The following RIT2 variants were observed in gnomAD, a reference collection of about 807,000 sequenced individuals.
RIT2 encodes GTP-binding protein Rit2.
A neutral mutation model predicts 23.7 loss-of-function variants in RIT2; 24 were observed. The observed-to-expected ratio is 1.01, with a 90% confidence interval of 0.73 to 1.43. The LOEUF (loss-of-function observed/expected upper bound fraction) is 1.43, where lower values mean the gene tolerates loss of function less well. Ranked by LOEUF, RIT2 falls within the 40% of genes most tolerant of loss-of-function variation. RIT2 has a pLI of 0.00. For synonymous variants in RIT2, 107 were observed against 91.1 expected, an observed-to-expected ratio of 1.17 and a Z score of -0.99; for missense variants, 236 against 266.9, an observed-to-expected ratio of 0.88 and a Z score of 0.81.
chr18:43,021,947 G>A (rs149046002), intron 2 of RIT2, among the ~76,000 whole-genome samples: 69 of 152,150 alleles, frequency 4.5e-4, no homozygotes, highest in African/African-American at 1.5e-3. Context: ...CAGCAATTTC[G>A]CCATTGGGAA....
rs117626380 is a variant in RIT2, at chr18:42,804,171, A to C, written c.427-60451T>G. ...CCAAGGGAAGTTTTTACAAAGCATC[A>C]GCACTTTCAGGATAACAAAATACAG... On this transcript the variant is annotated intron_variant, in intron 4 of 4. Coordinates refer to ENST00000326695, the MANE Select transcript of RIT2 (RefSeq NM_002930.4). Among the ~76,000 whole-genome samples, 186 of 152,368 alleles carry C rather than the reference A, an allele frequency of 1.2e-3. 1 individual carries two copies. The highest frequency in any genetic ancestry group is 2.0e-3 in the Non-Finnish European group (139 of 68,042).
intron 4 of RIT2, among the ~76,000 whole-genome samples, chr18:42,863,664 C>A (rs763667485): frequency 6.6e-6 from 1 of 152,154 alleles, no homozygotes; most frequent in Admixed American, 6.5e-5. Flanking sequence ...CCAATTCTTT[C>A]TCTGAATTAA....
chr18:42,882,888 C>T (rs189874856), intron 4 of RIT2, among the ~76,000 whole-genome samples: 4 of 152,208 alleles, frequency 2.6e-5, no homozygotes, highest in East Asian at 1.9e-4. Context: ...ATTTATGATA[C>T]GCCTTCCCCT....
Position 42,935,200 on chromosome 18 carries a change from A to ATTGT in RIT2, c.235-11438_235-11437insACAA, listed in dbSNP as rs1430817293. 4.8e-4 allele frequency among the ~76,000 whole-genome samples: 73 copies of ATTGT among 152,306 alleles called. 1 individual carries two copies. In the South Asian group the frequency reaches 8.5e-3, roughly 18 times the overall value. On this transcript the variant is annotated intron_variant, in intron 3 of 4. Transcript: ENST00000326695. ...TGAGGACCCTGTTAAGGAAGATACA[A>ATTGT]GGTCTAACTGTGGGATATTCTGGTG... is the stretch of plus-strand genomic sequence containing the variant.
chr18:43,101,648 G>T (rs867024520), intron 1 of RIT2, among the ~76,000 whole-genome samples: 10 of 152,166 alleles, frequency 6.6e-5, no homozygotes, highest in African/African-American at 2.2e-4. Flanking sequence ...TTTCAAACAT[G>T]CCAGGCTGTC....
chr18:42,893,935 A>G (rs888329668), intron 4 of RIT2, among the ~76,000 whole-genome samples: 1 of 152,240 alleles, frequency 6.6e-6, no homozygotes, highest in Non-Finnish European at 1.5e-5. Context: ...AATGAGCAAT[A>G]GAAGTAATCC....
rs557948822 is a variant in RIT2 at position 42,895,459 on chromosome 18, A to G, written c.426+28113T>C. 9.2e-5 allele frequency among the ~76,000 whole-genome samples: 14 copies of G among 152,272 alleles called. No homozygotes were observed. In the East Asian group the frequency reaches 1.9e-3, roughly 21 times the overall value. ...TTCTCATTAAGTTCCTTTCAAATACATATTATTATTTTTACTTCCTGTTCT... is the reference window on the plus strand; with the variant it reads ...TTCTCATTAAGTTCCTTTCAAATACGTATTATTATTTTTACTTCCTGTTCT... On this transcript the variant is annotated intron_variant, in intron 4 of 4. Transcript: ENST00000326695.
At chr18:43,019,653 T>A (rs1388007047) in intron 2 of RIT2, among the ~76,000 whole-genome samples, 1 of 151,960 alleles carries the variant, frequency 6.6e-6, no homozygotes, top group African/African-American at 2.4e-5. Context: ...CTTTCACCAC[T>A]CCTGTTCAAC....
At chr18:43,059,634 C>T (rs887509444) in intron 1 of RIT2, among the ~76,000 whole-genome samples, 1 of 152,118 alleles carries the variant, frequency 6.6e-6, no homozygotes, top group Non-Finnish European at 1.5e-5. Flanking sequence ...GATGAAATAT[C>T]TCCTTTCGAA....
chr18:43,110,896 C>G (rs1360527490), intron 1 of RIT2, among the ~76,000 whole-genome samples: 10 of 151,942 alleles, frequency 6.6e-5, no homozygotes, highest in Non-Finnish European at 4.4e-5. Flanking sequence ...TTGTGGGATA[C>G]ACATAGATAG....
chr18:42,801,049 A>G (rs901408154), intron 4 of RIT2, among the ~76,000 whole-genome samples: 3 of 152,206 alleles, frequency 2.0e-5, no homozygotes, highest in African/African-American at 7.2e-5. Context: ...AAACAATAAA[A>G]AAAGCAAACA....
chr18:42,996,425 C>A (rs1369290922), intron 2 of RIT2, among the ~76,000 whole-genome samples: 2 of 152,148 alleles, frequency 1.3e-5, no homozygotes, highest in African/African-American at 4.8e-5. Flanking sequence ...CCAAGCTAAG[C>A]CATCATATCC....
intron 3 of RIT2, among the ~76,000 whole-genome samples, chr18:42,928,469 T>A (rs1317797448): frequency 1.3e-5 from 2 of 152,060 alleles, no homozygotes; most frequent in Non-Finnish European, 2.9e-5. Flanking sequence ...TAAATAGCCT[T>A]TCATAGTACA....
intron 2 of RIT2, among the ~76,000 whole-genome samples, chr18:43,020,288 C>T (rs532496059): frequency 1.3e-5 from 2 of 151,994 alleles, no homozygotes; most frequent in African/African-American, 4.8e-5. Flanking sequence ...AGTTCAAGAC[C>T]AGCCTGACCA....
chr18:42,845,932 A>G (rs144457961), intron 4 of RIT2, among the ~76,000 whole-genome samples: 1 of 152,094 alleles, frequency 6.6e-6, no homozygotes, highest in African/African-American at 2.4e-5. Context: ...TTTAATGCAT[A>G]TATGAGAAAT....
At chr18:43,112,321 C>T (rs1319582467) in intron 1 of RIT2, among the ~76,000 whole-genome samples, 1 of 152,098 alleles carries the variant, frequency 6.6e-6, no homozygotes, top group Non-Finnish European at 1.5e-5. Flanking sequence ...AATAGAAATA[C>T]CGACTCTGAC....
At chr18:42,984,800 A>G (rs2144218806) in intron 2 of RIT2, among the ~76,000 whole-genome samples, 1 of 152,240 alleles carries the variant, frequency 6.6e-6, no homozygotes, top group East Asian at 1.9e-4. Flanking sequence ...CTGGGTGTCT[A>G]AACAAAACCG....
At chr18:42,911,689 G>A (rs1376727007) in intron 4 of RIT2, among the ~76,000 whole-genome samples, 1 of 151,894 alleles carries the variant, frequency 6.6e-6, no homozygotes, top group Non-Finnish European at 1.5e-5. Flanking sequence ...TCAGTAAGGT[G>A]GAAGGAATAA....
At chr18:42,770,992 A>G (rs560598116) in intron 4 of RIT2, among the ~76,000 whole-genome samples, 349 of 152,300 alleles carry the variant, frequency 2.3e-3, no homozygotes, top group African/African-American at 7.5e-3. Flanking sequence ...TGCAAATTGT[A>G]TGAACTGGCA....
Sources: allele counts gnomAD v4.1 joint callset (sites outside exome capture counted in the v4.1 genomes callset), GRCh38; gene constraint gnomAD v4.1.1; transcripts MANE v1.5; gene names NCBI Gene and HGNC (gene_info 2026-07-23, HGNC 2026-07-21).